The following HYLS1 variants were observed in gnomAD, a reference collection of about 807,000 sequenced individuals.
The protein encoded by HYLS1 is HYLS1 centriolar and ciliogenesis associated.
HYLS1 carries 25 observed loss-of-function variants against 29.4 expected under a neutral mutation model. The ratio of observed to expected loss-of-function variants is 0.85; its 90% CI spans 0.62 to 1.19. The LOEUF is 1.19. Among genes scored for constraint, HYLS1 ranks in the 50% most tolerant of loss-of-function variants. The pLI is 0.00. For synonymous variants in HYLS1, 128 were observed against 126.7 expected, an observed-to-expected ratio of 1.01 and a Z score of -0.07; for missense variants, 352 against 365.1, an observed-to-expected ratio of 0.96 and a Z score of 0.29.
In HYLS1 at chr11:125,893,769, G is replaced by A. The variant is rs201533053; in HGVS notation, c.-26+2297G>A. 1,115 of 1,571,472 alleles carry A rather than the reference G, an allele frequency of 7.1e-4. 1 individual carries two copies. The highest frequency in any genetic ancestry group is 8.8e-4 in the Non-Finnish European group (1,018 of 1,158,944). On this transcript the variant is annotated intron_variant, in intron 2 of 2. Coordinates refer to ENST00000425380, the MANE Select transcript of HYLS1 (RefSeq NM_001134793.2). ...TACCATTAGGTGGTTCCTAGATCCTGGCAAATTGTCTATGGTTAAATGATG... is the reference window on the plus strand; with the variant it reads ...TACCATTAGGTGGTTCCTAGATCCTAGCAAATTGTCTATGGTTAAATGATG...
chr11:125,899,281 G>A (rs777048924), intron 2 of HYLS1, 63 bp from the exon 3 acceptor site: 126 of 1,208,232 alleles, frequency 1.0e-4, no homozygotes, highest in Non-Finnish European at 1.4e-4. Flanking sequence ...GGAGATAAGG[G>A]AATGAGCAAT....
chr11:125,888,944 A>G (rs1209243411), intron 1 of HYLS1, among the ~76,000 whole-genome samples: 1 of 152,110 alleles, frequency 6.6e-6, no homozygotes, highest in Non-Finnish European at 1.5e-5. Context: ...GTACGTGTAA[A>G]GAAGAAAGAA....
At chr11:125,892,812 A>T (rs1418589921) in intron 2 of HYLS1, among the ~76,000 whole-genome samples, 1 of 152,220 alleles carries the variant, frequency 6.6e-6, no homozygotes, top group Non-Finnish European at 1.5e-5. Context: ...TCTATCGGGC[A>T]TGTAAATTTT....
intron 1 of HYLS1, among the ~76,000 whole-genome samples, chr11:125,889,457 G>T (rs1270185398): frequency 6.6e-6 from 1 of 152,212 alleles, no homozygotes; most frequent in African/African-American, 2.4e-5. Flanking sequence ...ACTGGGCCGG[G>T]CGCGGTGGCT....
chr11:125,893,667 T>C (rs990844271), intron 2 of HYLS1: 4 of 823,680 alleles, frequency 4.9e-6, no homozygotes, highest in African/African-American at 2.3e-5. Flanking sequence ...TTTGCTTTTT[T>C]TTTTCTTTTA....
chr11:125,888,780 AAAAAAAAG>A (rs1323718914), intron 1 of HYLS1, among the ~76,000 whole-genome samples: 2 of 133,656 alleles, frequency 1.5e-5, no homozygotes, highest in Non-Finnish European at 3.2e-5. Context: ...AAAAAAAAAA[AAAAAAAAG>A]AGAAAAGAAA....
intron 1 of HYLS1, among the ~76,000 whole-genome samples, chr11:125,890,010 C>T (rs938221564): frequency 6.6e-6 from 1 of 152,198 alleles, no homozygotes; most frequent in Non-Finnish European, 1.5e-5. Context: ...CAGATCATAG[C>T]TCAGTGCAGC....
At chr11:125,893,118 C>A (rs1944459299) in intron 2 of HYLS1, among the ~76,000 whole-genome samples, 1 of 152,200 alleles carries the variant, frequency 6.6e-6, no homozygotes, top group African/African-American at 2.4e-5. Flanking sequence ...CAAGGCTTGG[C>A]AAACACCATG....
At chr11:125,891,780 GGATAT>G (rs1944414619) in intron 2 of HYLS1, among the ~76,000 whole-genome samples, 1 of 152,058 alleles carries the variant, frequency 6.6e-6, no homozygotes, top group Non-Finnish European at 1.5e-5. Context: ...CTGTCTGCTA[GGATAT>G]AACAGCTATT....
intron 2 of HYLS1, among the ~76,000 whole-genome samples, chr11:125,892,169 G>C (rs1174737604): frequency 6.6e-6 from 1 of 152,154 alleles, no homozygotes; most frequent in African/African-American, 2.4e-5. Flanking sequence ...ATCCAATCTA[G>C]AAGAGTAAGA....
chr11:125,892,075 C>A (rs1944423447), intron 2 of HYLS1, among the ~76,000 whole-genome samples: 1 of 152,094 alleles, frequency 6.6e-6, no homozygotes, highest in Non-Finnish European at 1.5e-5. Flanking sequence ...AACTTTGGAT[C>A]TCATAAACAT....
intron 1 of HYLS1, among the ~76,000 whole-genome samples, chr11:125,888,779 AAAAAAAAAG>A (rs1944356564): frequency 7.6e-6 from 1 of 131,652 alleles, no homozygotes; most frequent in African/African-American, 2.6e-5. Context: ...CAAAAAAAAA[AAAAAAAAAG>A]AGAAAAGAAA....
intron 1 of HYLS1, among the ~76,000 whole-genome samples, chr11:125,890,652 A>G (rs983768642): frequency 2.6e-5 from 4 of 152,184 alleles, no homozygotes; most frequent in African/African-American, 9.7e-5. Flanking sequence ...TGAAGAGAAG[A>G]TATGGTTAGG....
upstream of HYLS1, among the ~76,000 whole-genome samples, chr11:125,884,566 G>A (rs1329190372): frequency 5.3e-5 from 8 of 152,220 alleles, no homozygotes; most frequent in African/African-American, 1.9e-4. Flanking sequence ...CTGAGATAGC[G>A]CCACTGCAGT....
At chr11:125,896,288 A>G (rs1944588265) in intron 2 of HYLS1, 3 of 1,601,068 alleles carry the variant, frequency 1.9e-6, no homozygotes, top group Non-Finnish European at 2.6e-6. Flanking sequence ...AAGCCATGAT[A>G]TGACAACCCC....
rs1318258250 is a variant in HYLS1, at chr11:125,893,792, A to C, written c.-26+2320A>C. The C allele has an allele frequency of 6.2e-7, 1 of 1,606,840 alleles. No individual in the cohort carries two copies. Among genetic ancestry groups the C allele is most frequent in the Non-Finnish European group, 8.5e-7 (1 of 1,176,216 alleles). On this transcript the variant is annotated intron_variant, in intron 2 of 2. Transcript: ENST00000425380. ...CTGGCAAATTGTCTATGGTTAAATG[A>C]TGCTTTTAATTTCTGTGTCAACACA...
rs781230998 is a variant in HYLS1 at position 125,900,148 on chromosome 11, C to T, written c.780C>T (p.Val260=). Residue 260 remains valine, a synonymous_variant, in exon 3 of 3, where the codon GTC becomes GTT. Coordinates refer to ENST00000425380, the MANE Select transcript of HYLS1 (RefSeq NM_001134793.2). The part of the protein sequence containing the change: ...EPQSKPQHIY[V]PNNYLVPTEK... ...AATCCAAACCTCAGCATATATATGT[C>T]CCAAACAATTATCTAGTACCAACAG... 2.1e-5 allele frequency: 34 copies of T among 1,614,006 alleles called. No homozygotes were observed. Among genetic ancestry groups the T allele is most frequent in the African/African-American group, 2.7e-5 (2 of 74,908 alleles).
At position 125,900,395 on chromosome 11, in the gene HYLS1, T is replaced by G; in HGVS notation, c.*127T>G. 1.1e-6 allele frequency: 1 copy of G among 877,638 alleles called. No homozygotes were observed. The highest frequency in any genetic ancestry group is 3.4e-4 in the Middle Eastern group (1 of 2,950). 54.4% of individuals were successfully genotyped at this position (877,638 alleles called of 1,614,324 possible). On this transcript the variant is annotated 3_prime_UTR_variant, in exon 3 of 3. Transcript: ENST00000425380. ...TTTATGGTAAGGACTTCACCTATCA[T>G]TGGTCTTTCCTAGCTATATATCACA...
At chr11:125,894,898 T>C (rs1223677616) in intron 2 of HYLS1, among the ~76,000 whole-genome samples, 1 of 152,220 alleles carries the variant, frequency 6.6e-6, no homozygotes, top group Non-Finnish European at 1.5e-5. Context: ...CCTGCCTCTT[T>C]ACTCATGGGA....
Sources: gnomAD v4.1 joint callset for allele counts (sites outside exome capture counted in the v4.1 genomes callset) on GRCh38, gnomAD v4.1.1 for gene constraint, MANE v1.5 for transcripts, NCBI Gene and HGNC (gene_info 2026-07-23, HGNC 2026-07-21) for gene names.